The following DYNC1H1 variants were observed in gnomAD, a reference collection of about 807,000 sequenced individuals.
DYNC1H1 encodes cytoplasmic dynein 1 heavy chain 1.
A neutral mutation model predicts 527.1 loss-of-function variants in DYNC1H1; 51 were observed. The observed-to-expected ratio is 0.10, with a 90% confidence interval of 0.08 to 0.12. The LOEUF (loss-of-function observed/expected upper bound fraction) is 0.12, where lower values mean the gene tolerates loss of function less well. Among genes scored for constraint, DYNC1H1 ranks in the 10% least tolerant of loss-of-function variants. DYNC1H1 has a pLI of 1.00. For synonymous variants in DYNC1H1, 2,189 were observed against 2,278.8 expected, an observed-to-expected ratio of 0.96 and a Z score of 1.12; for missense variants, 2,771 against 5,971.8, an observed-to-expected ratio of 0.46 and a Z score of 17.66.
chr14:101,988,911 A>G (rs1245939440), intron 10 of DYNC1H1, 59 bp downstream of exon 10: 2 of 1,605,858 alleles, frequency 1.2e-6, no homozygotes, highest in Non-Finnish European at 1.7e-6. Context: ...CTCTCTCGTT[A>G]AAAAACACCT....
At chr14:102,007,795 G>A (rs1219798748) in intron 28 of DYNC1H1, among the ~76,000 whole-genome samples, 1 of 152,226 alleles carries the variant, frequency 6.6e-6, no homozygotes, top group African/African-American at 2.4e-5. Context: ...AGGCTGTGTG[G>A]CTTAACAATA....
At chr14:101,993,865 T>C (rs2048026309) in intron 11 of DYNC1H1, among the ~76,000 whole-genome samples, 1 of 152,222 alleles carries the variant, frequency 6.6e-6, no homozygotes, top group South Asian at 2.1e-4. Context: ...GATTTTTATC[T>C]GCTTGTTGTA....
In DYNC1H1 at chr14:102,032,285, C is replaced by T. The variant is rs778765369; in HGVS notation, c.9897C>T (p.Ile3299=). 15 of 1,613,932 alleles carry T rather than the reference C, an allele frequency of 9.3e-6. No homozygotes were observed. The South Asian group carries it at 9.9e-5, about 11-fold the overall frequency. The change falls in exon 52 of 78, where the codon ATC becomes ATT. Residue 3299 remains isoleucine (I), a synonymous_variant. Transcript: ENST00000360184. ...GCTGCCACTCAGCTGTGAAGTCGAT[C>T]AAGAAGCAGCACCTGGTGGAGGTGA... ...VIEAQNAVKS[I]KKQHLVEVRS...
intron 29 of DYNC1H1, 52 bp downstream of exon 29, chr14:102,008,389 C>T (rs747349146): frequency 6.2e-7 from 1 of 1,600,218 alleles, no homozygotes; most frequent in Non-Finnish European, 8.5e-7. Flanking sequence ...GGGAAATTCC[C>T]TAGTGAACTA....
intron 72 of DYNC1H1, 199 bp from the exon 73 acceptor site, chr14:102,047,616 TAC>T (rs1222758622): frequency 7.6e-5 from 32 of 423,642 alleles, no homozygotes; most frequent in Non-Finnish European, 1.2e-5. Flanking sequence ...TATGTATATA[TAC>T]ACGTGTGTGT....
rs75000475 is a variant in DYNC1H1, at chr14:101,988,958, C to G, written c.2868+106C>G. On this transcript the variant is annotated intron_variant, in intron 10 of 77. Coordinates refer to ENST00000360184, the MANE Select transcript of DYNC1H1 (RefSeq NM_001376.5). ...ACTTAGTGTGGACACCTGGCAGATG[C>G]CACCTTAACCAGGTGATGAAGGTCA... is the stretch of plus-strand genomic sequence containing the variant. The G allele has an allele frequency of 0.011, 16,259 of 1,443,342 alleles. 117 individuals carry two copies. Among genetic ancestry groups the G allele is most frequent in the Middle Eastern group, 0.027 (118 of 4,396 alleles). 89.4% of individuals were successfully genotyped at this position (1,443,342 alleles called of 1,614,324 possible).
At position 102,022,722 on chromosome 14, in the gene DYNC1H1, C is replaced by G. The variant is rs373466937; in HGVS notation, c.8508-29C>G. ...GCTTCTTCACCGTGCCCTCTAGTTA[C>G]CTAAATGCACATGCTGCTCTCCCCA... On this transcript the variant is annotated intron_variant, in intron 42 of 77. Transcript: ENST00000360184. The G allele has an allele frequency of 1.9e-6, 3 of 1,613,732 alleles. No homozygotes were observed. In the African/African-American group the frequency reaches 4.0e-5, roughly 22 times the overall value.
In DYNC1H1 at chr14:101,985,599, C is replaced by T. The variant is rs2141274434; in HGVS notation, c.1462-88C>T. 4.8e-6 allele frequency: 7 copies of T among 1,453,700 alleles called. No individual in the cohort carries two copies. Among genetic ancestry groups the T allele is most frequent in the Middle Eastern group, 1.8e-4 (1 of 5,714 alleles). The allele number at this position is 1,453,700 out of a possible 1,614,324, so 90.1% of individuals were successfully genotyped here. Reference sequence around the variant, plus strand: ...TTGGCCTCCCAAAGTGCTGGGATTACAGGTGTGAGCCACTGCACCCGGCTT... The same window carrying T: ...TTGGCCTCCCAAAGTGCTGGGATTATAGGTGTGAGCCACTGCACCCGGCTT... On this transcript the variant is annotated intron_variant, in intron 7 of 77. Coordinates refer to ENST00000360184, the MANE Select transcript of DYNC1H1 (RefSeq NM_001376.5). The surrounding 1 kb of genome is among the most constrained non-coding windows in gnomAD (Gnocchi z 5.9).
At position 102,005,134 on chromosome 14, in the gene DYNC1H1, C is replaced by A; in HGVS notation, c.5331C>A (p.Pro1777=). ...TGGGCGGAGGTGGAGATGCCGCGCCCTTGCACTCTGTGCTGAGCAATGTGG... is the reference window on the plus strand; with the variant it reads ...TGGGCGGAGGTGGAGATGCCGCGCCATTGCACTCTGTGCTGAGCAATGTGG... ...SSMGGGGDAA[P]LHSVLSNVEV... The change falls in exon 26 of 78, where the codon CCC becomes CCA. Residue 1777 remains proline, a synonymous_variant. Transcript: ENST00000360184. The surrounding 1 kb of genome is among the most constrained non-coding windows in gnomAD (Gnocchi z 4.0). 1 of 1,614,192 alleles carries A rather than the reference C, an allele frequency of 6.2e-7. No homozygotes were observed. Among genetic ancestry groups the A allele is most frequent in the Non-Finnish European group, 8.5e-7 (1 of 1,180,026 alleles).
At position 102,039,218 on chromosome 14, in the gene DYNC1H1, C is replaced by T. The variant is rs758877590; in HGVS notation, c.11424C>T (p.Cys3808=). Residue 3808 remains cysteine, a synonymous_variant, in exon 60 of 78, where the codon TGC becomes TGT. Coordinates refer to ENST00000360184, the MANE Select transcript of DYNC1H1 (RefSeq NM_001376.5). This position sits in a 1 kb window ranked among gnomAD's most constrained non-coding sequence, Gnocchi z 7.0. ...AGTACCTCCCGCTCTCCACCGCCTG[C>T]AGCAGCATCTACTTCACCATGGAGT... ...SQQYLPLSTA[C]SSIYFTMESL... 6.2e-6 allele frequency: 10 copies of T among 1,613,886 alleles called. No individual in the cohort carries two copies. The African/African-American group carries it at 9.3e-5, about 15-fold the overall frequency.
chr14:101,993,457 C>T (rs1052611691), intron 11 of DYNC1H1, among the ~76,000 whole-genome samples: 28 of 152,202 alleles, frequency 1.8e-4, no homozygotes, highest in South Asian at 2.1e-4. Flanking sequence ...GCTTGCTGGG[C>T]CCGTGTAATG....
At chr14:102,043,588 A>G (rs1235341685) in intron 69 of DYNC1H1, 3 of 461,748 alleles carry the variant, frequency 6.5e-6, no homozygotes, top group East Asian at 4.3e-5. Flanking sequence ...CGTTCTGTCA[A>G]TTCTGTTCTA....
chr14:101,977,236 T>A (rs186783747), intron 2 of DYNC1H1, among the ~76,000 whole-genome samples: 117 of 152,360 alleles, frequency 7.7e-4, no homozygotes, highest in African/African-American at 2.5e-3. Context: ...TCAGAAAGAT[T>A]GTGCTAATTT....
Position 102,027,802 on chromosome 14 carries a change from C to T in DYNC1H1, c.9232C>T (p.Arg3078Trp). Residue 3078 changes from arginine to tryptophan, a missense_variant, in exon 47 of 78, where the codon CGG (arginine) becomes TGG (tryptophan). Coordinates refer to ENST00000360184, the MANE Select transcript of DYNC1H1 (RefSeq NM_001376.5). This position sits in a 1 kb window ranked among gnomAD's most constrained non-coding sequence, Gnocchi z 7.7. ...MNPSSEGLKD[R>W]AATSPALFNR... ...CCCGTCCTCGGAGGGACTCAAGGAC[C>T]GGGCAGCTACATCACCAGCACTTTT... is the stretch of plus-strand genomic sequence containing the variant. The T allele has an allele frequency of 3.7e-6, 6 of 1,614,150 alleles. No individual in the cohort carries two copies. Among genetic ancestry groups the T allele is most frequent in the Non-Finnish European group, 5.1e-6 (6 of 1,180,020 alleles).
Position 101,964,652 on chromosome 14 carries a change from C to T in DYNC1H1, c.-40C>T. On this transcript the variant is annotated 5_prime_UTR_variant, in exon 1 of 78. Coordinates refer to ENST00000360184, the MANE Select transcript of DYNC1H1 (RefSeq NM_001376.5). This position sits in a 1 kb window ranked among gnomAD's most constrained non-coding sequence, Gnocchi z 5.5. ...GCTGGCTGTCTCGCTGAGTCGCGGC[C>T]GCCTTCTCATCGCTCCTGGAAGGTC... 6.4e-7 allele frequency: 1 copy of T among 1,556,774 alleles called. No individual in the cohort carries two copies. Among genetic ancestry groups the T allele is most frequent in the Non-Finnish European group, 8.6e-7 (1 of 1,157,356 alleles).
chr14:101,973,865 A>G (rs951142463), intron 1 of DYNC1H1, among the ~76,000 whole-genome samples: 2 of 152,194 alleles, frequency 1.3e-5, no homozygotes, highest in African/African-American at 4.8e-5. Context: ...TTTTTAAAAC[A>G]ATAGCTAAGG....
At position 101,986,673 on chromosome 14, in the gene DYNC1H1, C is replaced by G. The variant is rs145405293; in HGVS notation, c.2448C>G (p.Ile816Met). ...TGAAAAAGGAAGTGCAGGCCCTGAT[C>G]GCAGAAGGCATTGCGTTGGTGTGGG... The part of the protein sequence containing the change: ...AGLKKEVQAL[I>M]AEGIALVWES... The change falls in exon 8 of 78, where the codon ATC (isoleucine) becomes ATG (methionine). Residue 816 changes from isoleucine (I) to methionine (M), a missense_variant. Around this residue, in one of 32 missense-constraint regions of DYNC1H1, gnomAD observed 24 missense variants for 19.0 expected, o/e 1.26. Coordinates refer to ENST00000360184, the MANE Select transcript of DYNC1H1 (RefSeq NM_001376.5). The surrounding 1 kb of genome is among the most constrained non-coding windows in gnomAD (Gnocchi z 8.7). The G allele has an allele frequency of 6.2e-7, 1 of 1,614,014 alleles. No individual in the cohort carries two copies. The highest frequency in any genetic ancestry group is 1.1e-5 in the South Asian group (1 of 91,084).
chr14:101,979,629 G>A lies in DYNC1H1; in HGVS notation c.519-90G>A. ...AAACCCTGTGTATTAATAAATATGT[G>A]TGTCATTACTATTTGACAGACCTGA... is the stretch of plus-strand genomic sequence containing the variant. On this transcript the variant is annotated intron_variant, in intron 3 of 77. Transcript: ENST00000360184. The surrounding 1 kb of genome is among the most constrained non-coding windows in gnomAD (Gnocchi z 4.6). 1.9e-6 allele frequency: 3 copies of A among 1,605,850 alleles called. No homozygotes were observed. Among genetic ancestry groups the A allele is most frequent in the Non-Finnish European group, 2.6e-6 (3 of 1,174,714 alleles).
rs535465221 is a variant in DYNC1H1 at position 101,987,447 on chromosome 14, C to T, written c.2539-6C>T. ...TGTTTTAAATATTAAATATTTCTTC[C>T]TTCAGGTGGATGATCTGCTGATCAT... is the stretch of plus-strand genomic sequence containing the variant. On this transcript the variant is annotated splice_region_variant and splice_polypyrimidine_tract_variant and intron_variant, in intron 8 of 77. Coordinates refer to ENST00000360184, the MANE Select transcript of DYNC1H1 (RefSeq NM_001376.5). 2.9e-5 allele frequency: 46 copies of T among 1,613,742 alleles called. No individual in the cohort carries two copies. In the African/African-American group the frequency reaches 3.5e-4, roughly 12 times the overall value.
Sources: allele counts gnomAD v4.1 joint callset (sites outside exome capture counted in the v4.1 genomes callset), GRCh38; gene constraint gnomAD v4.1.1; regional missense constraint gnomAD v4.1.1; non-coding constraint Gnocchi (gnomAD v3.1); transcripts MANE v1.5; gene names NCBI Gene and HGNC (gene_info 2026-07-23, HGNC 2026-07-21).